CPT1A: variants seen among roughly 807,000 people sequenced by gnomAD.
The protein encoded by CPT1A is carnitine O-palmitoyltransferase 1, liver isoform.
CPT1A carries 64 observed loss-of-function variants against 100.8 expected under a neutral mutation model. That is an observed-to-expected ratio of 0.63 (90% confidence interval 0.52 to 0.78). CPT1A has a LOEUF of 0.78. Ranked by LOEUF, CPT1A falls within the 30% of genes least tolerant of loss-of-function variation. CPT1A has a pLI of 0.00. For synonymous variants in CPT1A, 363 were observed against 396.0 expected, an observed-to-expected ratio of 0.92 and a Z score of 0.99; for missense variants, 802 against 1,034.1, an observed-to-expected ratio of 0.78 and a Z score of 3.08.
intron 1 of CPT1A, among the ~76,000 whole-genome samples, chr11:68,837,740 G>A (rs560352678): frequency 4.7e-4 from 72 of 152,238 alleles, no homozygotes; most frequent in Non-Finnish European, 9.1e-4. Context: ...TTGGGAGGCT[G>A]AGGTGGGAGG....
intron 1 of CPT1A, chr11:68,839,605 G>A (rs1000772092): frequency 1.0e-6 from 1 of 985,488 alleles, no homozygotes; most frequent in East Asian, 1.1e-4. Context: ...ACAGCTCGGT[G>A]CTCAGTGCTT....
chr11:68,807,378 G>T, intron 4 of CPT1A, 89 bp downstream of exon 4: 1 of 1,332,104 alleles, frequency 7.5e-7, no homozygotes, highest in South Asian at 1.3e-5. Flanking sequence ...AGGGAGAAAA[G>T]GTCGCAGGGG....
chr11:68,799,037 C>T (rs1855829435), intron 6 of CPT1A, among the ~76,000 whole-genome samples, 181 bp downstream of exon 6: 2 of 152,164 alleles, frequency 1.3e-5, no homozygotes, highest in African/African-American at 4.8e-5. Context: ...ACTGTAACTA[C>T]ACGTCAGTCC....
intron 4 of CPT1A, among the ~76,000 whole-genome samples, chr11:68,804,528 C>T (rs1324876095): frequency 1.3e-5 from 2 of 151,996 alleles, no homozygotes; most frequent in Non-Finnish European, 2.9e-5. Flanking sequence ...GGTGATGCTG[C>T]AGTGAGCCAT....
chr11:68,804,807 C>T (rs958586972), intron 4 of CPT1A, among the ~76,000 whole-genome samples: 1 of 152,196 alleles, frequency 6.6e-6, no homozygotes, highest in Non-Finnish European at 1.5e-5. Context: ...CGTGCCTGGC[C>T]CTGAGCCAAG....
chr11:68,761,508 C>T (rs1297731036), intron 16 of CPT1A, 27 bp downstream of exon 16: 1 of 1,612,232 alleles, frequency 6.2e-7, no homozygotes, highest in Non-Finnish European at 8.5e-7. Flanking sequence ...GCCAATACAA[C>T]TGACGGAAGA....
chr11:68,799,371 G>GA lies in CPT1A; in HGVS notation c.556-17dup, dbSNP rs1325005617. On this transcript the variant is annotated splice_polypyrimidine_tract_variant and intron_variant, in intron 5 of 18. Transcript: ENST00000265641. ...ACTGTAGATACTGGGATTATTGGGG[G>GA]AAAAAAAAATCACCCAAGTTAAAAC... 3 of 1,531,454 alleles carry GA rather than the reference G, an allele frequency of 2.0e-6. No homozygotes were observed. Among genetic ancestry groups the GA allele is most frequent in the East Asian group, 2.3e-5 (1 of 43,476 alleles). The allele number at this position is 1,531,454 out of a possible 1,614,324, so 94.9% of individuals were successfully genotyped here.
intron 9 of CPT1A, among the ~76,000 whole-genome samples, chr11:68,786,653 T>C (rs973846929): frequency 6.6e-6 from 1 of 152,186 alleles, no homozygotes; most frequent in African/African-American, 2.4e-5. Context: ...CTCAGCTTCC[T>C]AAGTAGGTGG....
intron 9 of CPT1A, among the ~76,000 whole-genome samples, chr11:68,789,522 G>A (rs1204329556): frequency 6.6e-6 from 1 of 151,974 alleles, no homozygotes; most frequent in African/African-American, 2.4e-5. Context: ...TCAGCCTCCT[G>A]AGTAGCAGGG....
intron 1 of CPT1A, among the ~76,000 whole-genome samples, chr11:68,834,000 G>C (rs547324816): frequency 6.6e-6 from 1 of 152,282 alleles, no homozygotes; most frequent in Non-Finnish European, 1.5e-5. Context: ...CTTTCATTAT[G>C]AAAGGTTGCG....
At chr11:68,810,360 C>G (rs1856168013) in intron 3 of CPT1A, among the ~76,000 whole-genome samples, 1 of 152,176 alleles carries the variant, frequency 6.6e-6, no homozygotes, top group Non-Finnish European at 1.5e-5. Context: ...TTCTGAGTGA[C>G]AGCAATGACA....
chr11:68,769,183 T>C lies in CPT1A; in HGVS notation c.1740+4082A>G, dbSNP rs932517900. Among the ~76,000 whole-genome samples, 66 of 152,280 alleles carry C rather than the reference T, an allele frequency of 4.3e-4. 1 individual carries two copies. The highest frequency in any genetic ancestry group is 1.0e-4 in the Non-Finnish European group (7 of 68,020). On this transcript the variant is annotated intron_variant, in intron 14 of 18. Transcript: ENST00000265641. Reference sequence around the variant, plus strand: ...CTACTGATGTCAAATGCTCCCTCCATTACACGTTATTTCCCAGGCCTGCTT... The same window carrying C: ...CTACTGATGTCAAATGCTCCCTCCACTACACGTTATTTCCCAGGCCTGCTT...
chr11:68,781,809 G>A lies in CPT1A; in HGVS notation c.1314C>T (p.Ser438=). The change falls in exon 11 of 19, where the codon AGC becomes AGT. Residue 438 remains serine, a synonymous_variant. Transcript: ENST00000265641. The part of the protein sequence containing the change: ...RSEDPDTSMD[S]YAKSLLHGRC... ...GGCCGTGTAGTAGAGATTTGGCGTA[G>A]CTGTCCATTGACGTATCCGGGTCTT... 1 of 1,614,156 alleles carries A rather than the reference G, an allele frequency of 6.2e-7. No individual in the cohort carries two copies. Among genetic ancestry groups the A allele is most frequent in the South Asian group, 1.1e-5 (1 of 91,086 alleles).
At chr11:68,754,630 CAT>C, downstream of CPT1A, 1 of 597,300 alleles carries the variant, frequency 1.7e-6, no homozygotes, top group South Asian at 2.2e-5. Flanking sequence ...TTACTTTTAA[CAT>C]ATTTATTGAG....
intron 3 of CPT1A, among the ~76,000 whole-genome samples, chr11:68,808,545 T>C (rs1387695967): frequency 6.6e-6 from 1 of 151,728 alleles, no homozygotes; most frequent in African/African-American, 2.4e-5. Flanking sequence ...CTAATTTTTG[T>C]ATTTTTTGTA....
intron 2 of CPT1A, among the ~76,000 whole-genome samples, chr11:68,814,393 G>A (rs946366243): frequency 1.1e-4 from 17 of 151,980 alleles, no homozygotes; most frequent in Non-Finnish European, 1.5e-4. Flanking sequence ...TGCAAGCTCC[G>A]CCTCCCGGGT....
intron 5 of CPT1A, among the ~76,000 whole-genome samples, chr11:68,802,494 G>C (rs1016721045): frequency 8.6e-5 from 13 of 151,460 alleles, no homozygotes; most frequent in Non-Finnish European, 1.9e-4. Context: ...TACTTTCGGA[G>C]GCCGAGGCAG....
At chr11:68,834,998 C>CA (rs11418561) in intron 1 of CPT1A, among the ~76,000 whole-genome samples, 144,381 of 146,598 alleles carry the variant, frequency 0.98, 71,101 homozygotes, top group East Asian at 1. Flanking sequence ...GACTCCATCT[C>CA]AAAAAAAAAA....
chr11:68,815,244 T>C, intron 2 of CPT1A, 90 bp downstream of exon 2: 2 of 1,357,792 alleles, frequency 1.5e-6, no homozygotes, highest in Non-Finnish European at 2.1e-6. Flanking sequence ...CAGTCGCCAG[T>C]CTGAAACACG....
Sources: allele counts gnomAD v4.1 joint callset (sites outside exome capture counted in the v4.1 genomes callset), GRCh38; gene constraint gnomAD v4.1.1; transcripts MANE v1.5; gene names NCBI Gene and HGNC (gene_info 2026-07-23, HGNC 2026-07-21).